The following KLRD1 variants were observed in gnomAD, a reference collection of about 807,000 sequenced individuals.
KLRD1 encodes killer cell lectin like receptor D1.
A neutral mutation model predicts 22.6 loss-of-function variants in KLRD1; 21 were observed. The ratio of observed to expected loss-of-function variants is 0.93; its 90% CI spans 0.66 to 1.34. KLRD1 has a LOEUF of 1.34. Ranked by LOEUF, KLRD1 falls within the 40% of genes most tolerant of loss-of-function variation. The probability of loss-of-function intolerance (pLI) is 0.00; values close to 1 mark genes in which losing one functional copy is unlikely to be tolerated. For synonymous variants in KLRD1, 59 were observed against 71.1 expected, an observed-to-expected ratio of 0.83 and a Z score of 0.85; for missense variants, 183 against 208.6, an observed-to-expected ratio of 0.88 and a Z score of 0.76.
At chr12:10,260,800 G>A (rs1176346278) in intron 1 of KLRD1, among the ~76,000 whole-genome samples, 1 of 152,062 alleles carries the variant, frequency 6.6e-6, no homozygotes, top group East Asian at 1.9e-4. Flanking sequence ...AAATTAGCCG[G>A]GTGTGGTGGT....
chr12:10,295,322 T>G (rs1276528737), intron 1 of KLRD1, among the ~76,000 whole-genome samples: 1 of 152,188 alleles, frequency 6.6e-6, no homozygotes, highest in Non-Finnish European at 1.5e-5. Context: ...TTTAAAGTTG[T>G]CTCTGTCTCC....
At chr12:10,270,631 C>T (rs933002275) in intron 1 of KLRD1, among the ~76,000 whole-genome samples, 1 of 152,048 alleles carries the variant, frequency 6.6e-6, no homozygotes, top group African/African-American at 2.4e-5. Flanking sequence ...AATTATTTTG[C>T]AGATTTAGGT....
At position 10,314,973 on chromosome 12, in the gene KLRD1, C is replaced by A; in HGVS notation, c.*180C>A. On this transcript the variant is annotated 3_prime_UTR_variant, in exon 6 of 6. Transcript: ENST00000336164. Reference sequence around the variant, plus strand: ...TGTTTTAAAATTGATGAAATTCGTTCACCTACATTTGAGAATTATAAAATT... The same window carrying A: ...TGTTTTAAAATTGATGAAATTCGTTAACCTACATTTGAGAATTATAAAATT... The A allele has an allele frequency of 2.1e-6, 1 of 475,678 alleles. No individual in the cohort carries two copies. The highest frequency in any genetic ancestry group is 3.6e-6 in the Non-Finnish European group (1 of 278,944). 29.5% of individuals were successfully genotyped at this position (475,678 alleles called of 1,614,324 possible).
chr12:10,279,809 C>A (rs1384629035), intron 1 of KLRD1, among the ~76,000 whole-genome samples: 1 of 152,040 alleles, frequency 6.6e-6, no homozygotes, highest in Admixed American at 6.6e-5. Context: ...TTTCCTCTTC[C>A]AACAAAAAAT....
At chr12:10,296,901 G>T (rs542801979) in intron 1 of KLRD1, among the ~76,000 whole-genome samples, 46 of 152,310 alleles carry the variant, frequency 3.0e-4, no homozygotes, top group South Asian at 1.2e-3. Context: ...CTGTTTCAGA[G>T]AGCAATTGGC....
At chr12:10,268,963 T>C (rs1220459365) in intron 1 of KLRD1, among the ~76,000 whole-genome samples, 2 of 152,166 alleles carry the variant, frequency 1.3e-5, no homozygotes, top group Non-Finnish European at 2.9e-5. Context: ...AGGACTTTTG[T>C]TTTCTTTTTG....
intron 1 of KLRD1, among the ~76,000 whole-genome samples, chr12:10,250,633 T>C (rs557012759): frequency 1.3e-5 from 2 of 152,050 alleles, no homozygotes; most frequent in Admixed American, 6.5e-5. Context: ...AATTTTTGTA[T>C]TTGTCCCAAA....
Position 10,274,641 on chromosome 12 carries a change from A to T in KLRD1, c.-100-33337A>T, listed in dbSNP as rs887021826. On this transcript the variant is annotated intron_variant, in intron 1 of 5. Transcript: ENST00000544747. ...TCTATGGGCTGTGTTTTGAAAAATG[A>T]CTTCAGAAATGTCATTCAATTCATT... Among the ~76,000 whole-genome samples the T allele has an allele frequency of 3.3e-5, 5 of 152,260 alleles. No individual in the cohort carries two copies. In the East Asian group the frequency reaches 9.6e-4, roughly 29 times the overall value.
chr12:10,257,334 T>G (rs1949407395), intron 1 of KLRD1, among the ~76,000 whole-genome samples: 1 of 151,278 alleles, frequency 6.6e-6, no homozygotes, highest in South Asian at 2.1e-4. Context: ...TCTTTTCCTA[T>G]TCTATGACAC....
chr12:10,317,798 T>C lies in KLRD1; in HGVS notation c.*3005T>C, dbSNP rs1257715605. 1 of 152,198 alleles carries C rather than the reference T, an allele frequency of 6.6e-6. No homozygotes were observed. Among genetic ancestry groups the C allele is most frequent in the Non-Finnish European group, 1.5e-5 (1 of 68,044 alleles). 9.4% of individuals were successfully genotyped at this position (152,198 alleles called of 1,614,324 possible). A position where few individuals can be genotyped will look rare whatever the true frequency, so the allele number is the denominator to read the frequency against. The stretch of plus-strand genomic sequence containing the variant: ...AAATTTATAAAATAAAGACATTTAA[T>C]TGACTCACAGTTCTGCAGGGTTGGA... On this transcript the variant is annotated 3_prime_UTR_variant, in exon 6 of 6. Transcript: ENST00000336164.
chr12:10,292,423 G>A lies in KLRD1; in HGVS notation c.-100-15555G>A, dbSNP rs183824041. Among the ~76,000 whole-genome samples the A allele has an allele frequency of 2.2e-4, 33 of 152,194 alleles. No homozygotes were observed. The East Asian group carries it at 5.2e-3, about 24-fold the overall frequency. ...AAGTTGAAATGACTCCTTGATTCAC[G>A]GACTGCCGAATGGATATTGTGTTAG... On this transcript the variant is annotated intron_variant, in intron 1 of 5. Coordinates refer to the KLRD1 transcript ENST00000544747.
intron 1 of KLRD1, among the ~76,000 whole-genome samples, chr12:10,293,175 T>TATATATATATATACACAC (rs1555107048): frequency 7.5e-4 from 2 of 2,668 alleles, no homozygotes; most frequent in African/African-American, 9.2e-4. Flanking sequence ...TATACACATA[T>TATATATATATATACACAC]ACACATAATT....
intron 1 of KLRD1, among the ~76,000 whole-genome samples, chr12:10,282,612 G>A (rs1949656630): frequency 6.6e-6 from 1 of 152,100 alleles, no homozygotes; most frequent in Non-Finnish European, 1.5e-5. Flanking sequence ...AAAATGGTAT[G>A]CCACTTTATA....
At chr12:10,283,857 A>T (rs1949670610) in intron 1 of KLRD1, among the ~76,000 whole-genome samples, 1 of 152,064 alleles carries the variant, frequency 6.6e-6, no homozygotes, top group South Asian at 2.1e-4. Flanking sequence ...ATTTTGGGAG[A>T]GATACTTCTC....
At chr12:10,309,893 A>T (rs1054684909) in intron 3 of KLRD1, among the ~76,000 whole-genome samples, 1 of 152,222 alleles carries the variant, frequency 6.6e-6, no homozygotes, top group Non-Finnish European at 1.5e-5. Context: ...ACATTTAACT[A>T]ATCAGGAAAA....
chr12:10,307,568 G>A (rs1424423751), upstream of KLRD1, among the ~76,000 whole-genome samples: 1 of 152,152 alleles, frequency 6.6e-6, no homozygotes, highest in African/African-American at 2.4e-5. Context: ...GCTTTAAATT[G>A]TGTTAAGTAC....
intron 3 of KLRD1, 32 bp downstream of exon 3, chr12:10,309,720 G>C (rs1258994185): frequency 6.8e-7 from 1 of 1,462,846 alleles, no homozygotes; most frequent in East Asian, 2.3e-5. Flanking sequence ...ACTTAGCATT[G>C]GTAAAAGATT....
rs1338844934 is a variant in KLRD1 at position 10,320,079 on chromosome 12, G to T, written c.*5286G>T. 6.6e-6 allele frequency: 1 copy of T among 151,716 alleles called. No homozygotes were observed. The allele number at this position is 151,716 out of a possible 1,614,324, so 9.4% of individuals were successfully genotyped here. A position where few individuals can be genotyped will look rare whatever the true frequency, so the allele number is the denominator to read the frequency against. On this transcript the variant is annotated 3_prime_UTR_variant, in exon 6 of 6. Coordinates refer to ENST00000336164, the MANE Select transcript of KLRD1 (RefSeq NM_002262.5). ...GACGGGGTTTCACCATGTTGGTCAG[G>T]CTGGTCTTGAACTCCTGACCTCAGG...
At chr12:10,264,477 C>G (rs1009440024) in intron 1 of KLRD1, among the ~76,000 whole-genome samples, 1 of 145,328 alleles carries the variant, frequency 6.9e-6, no homozygotes, top group Non-Finnish European at 1.5e-5. Context: ...CTACAAAACA[C>G]AGCTTCGCTC....
Sources: allele counts gnomAD v4.1 joint callset (sites outside exome capture counted in the v4.1 genomes callset), GRCh38; gene constraint gnomAD v4.1.1; transcripts MANE v1.5; gene names NCBI Gene and HGNC (gene_info 2026-07-23, HGNC 2026-07-21).